The following NBPF20 variants were observed in gnomAD, a reference collection of about 807,000 sequenced individuals.
NBPF20 encodes the protein NBPF member 20, also known as NBPF family member NBPF20.
A neutral mutation model predicts 68.1 loss-of-function variants in NBPF20; 90 were observed. That is an observed-to-expected ratio of 1.32 (90% CI 1.11 to 1.58). The LOEUF (loss-of-function observed/expected upper bound fraction) is 1.58. Among genes scored for constraint, NBPF20 ranks in the 40% most tolerant of loss-of-function variants. The probability of loss-of-function intolerance (pLI) is 0.00; values close to 1 mark genes in which losing one functional copy is unlikely to be tolerated. For synonymous variants in NBPF20, 290 were observed against 228.1 expected, an observed-to-expected ratio of 1.27 and a Z score of -2.45; for missense variants, 816 against 601.2, an observed-to-expected ratio of 1.36 and a Z score of -3.74.
intron 7 of NBPF20, among the ~76,000 whole-genome samples, chr1:145,395,673 C>T (rs1553663646): frequency 4.9e-5 from 7 of 143,866 alleles, no homozygotes; most frequent in Middle Eastern, 3.5e-3. Context: ...TTAAACACAT[C>T]GGAGAGAATA....
At chr1:145,415,218 C>T in the NBPF20 span, among the ~76,000 whole-genome samples, 1 of 151,508 alleles carries the variant, frequency 6.6e-6, no homozygotes, top group Admixed American at 6.6e-5. Flanking sequence ...CATCTCAATG[C>T]CTTAAAGAGC....
At chr1:145,400,795 G>A (rs1209421591) in intron 5 of NBPF20, among the ~76,000 whole-genome samples, 1 of 152,126 alleles carries the variant, frequency 6.6e-6, no homozygotes, top group Admixed American at 6.5e-5. Flanking sequence ...GAGGAAGAGA[G>A]CAGCTGCTGT....
chr1:145,290,043 A>ACTT lies in NBPF20; in HGVS notation c.*1480_*1482dup, dbSNP rs1370844760. ...GTTTTAATTGTATAGATTAAAATTA[A>ACTT]CTTTGGACAAAAATTAAAACTCAGG... is the stretch of plus-strand genomic sequence containing the variant. On this transcript the variant is annotated 3_prime_UTR_variant, in exon 138 of 138. Coordinates refer to ENST00000369373, the Ensembl canonical transcript of NBPF20. 8 of 149,570 alleles carry ACTT rather than the reference A, an allele frequency of 5.3e-5. No homozygotes were observed. In the East Asian group the frequency reaches 1.4e-3, roughly 25 times the overall value. 9.3% of individuals were successfully genotyped at this position (149,570 alleles called of 1,614,324 possible). A position where few individuals can be genotyped will look rare whatever the true frequency, so the allele number is the denominator to read the frequency against.
chr1:145,415,011 G>A, the NBPF20 span, among the ~76,000 whole-genome samples: 355 of 152,260 alleles, frequency 2.3e-3, 3 homozygotes, highest in African/African-American at 8.3e-3. Context: ...GCATACGGAG[G>A]ACCCATGCCG....
exon 138 of NBPF20, chr1:145,291,454 T>C: frequency 6.2e-7 from 1 of 1,611,912 alleles, no homozygotes; most frequent in Non-Finnish European, 8.5e-7. Flanking sequence ...GGAACTGTAC[T>C]TTCATTCAAA....
upstream of NBPF20, among the ~76,000 whole-genome samples, chr1:145,407,511 G>A (rs189000595): frequency 3.5e-5 from 5 of 144,308 alleles, no homozygotes; most frequent in Admixed American, 3.5e-4. Context: ...ATATATATAC[G>A]TGTATATACA....
upstream of NBPF20, among the ~76,000 whole-genome samples, chr1:145,405,982 G>T (rs1243022433): frequency 6.7e-6 from 1 of 149,482 alleles, no homozygotes; most frequent in Admixed American, 6.7e-5. Context: ...GCAGTGACGC[G>T]ATCTAGGCTC....
chr1:145,393,648 T>C, intron 9 of NBPF20: 1 of 1,101,088 alleles, frequency 9.1e-7, no homozygotes, highest in South Asian at 1.6e-5. Context: ...GCAGTTACCA[T>C]GAGAATACAG....
At chr1:145,415,098 T>C in the NBPF20 span, among the ~76,000 whole-genome samples, 1 of 151,814 alleles carries the variant, frequency 6.6e-6, no homozygotes, top group Non-Finnish European at 1.5e-5. Flanking sequence ...GGCAGGACAA[T>C]AGGATAATAG....
chr1:145,403,628 C>G (rs1291368283), intron 2 of NBPF20, among the ~76,000 whole-genome samples: 3 of 152,150 alleles, frequency 2.0e-5, no homozygotes. Context: ...GCCACTTTCC[C>G]AAGCCTTGCA....
At chr1:145,421,040 G>A in the NBPF20 span, among the ~76,000 whole-genome samples, 8 of 140,366 alleles carry the variant, frequency 5.7e-5, no homozygotes, top group African/African-American at 1.6e-4. Context: ...TGAGGCAGGA[G>A]GATTCCTTGA....
At chr1:145,419,254 A>G in the NBPF20 span, among the ~76,000 whole-genome samples, 1 of 152,088 alleles carries the variant, frequency 6.6e-6, no homozygotes, top group Non-Finnish European at 1.5e-5. Flanking sequence ...GAAGGAAGGA[A>G]GGAAATGAAC....
In NBPF20 at chr1:145,397,994, C is replaced by T. The variant is rs1484300043; in HGVS notation, c.827+1055G>A. 4.1e-3 allele frequency among the ~76,000 whole-genome samples: 618 copies of T among 152,222 alleles called. 1 individual carries two copies. The highest frequency in any genetic ancestry group is 6.4e-3 in the Non-Finnish European group (433 of 68,018). On this transcript the variant is annotated intron_variant, in intron 7 of 137. Coordinates refer to ENST00000369373, the Ensembl canonical transcript of NBPF20. ...AGATCAAAAGAGACAAAGAAGGCCA[C>T]TACATAATGGTAAAGGGATCAATTC...
At chr1:145,394,049 G>A in intron 8 of NBPF20, 114 bp from the exon 14 acceptor site, 5 of 746,154 alleles carry the variant, frequency 6.7e-6, no homozygotes, top group Non-Finnish European at 1.2e-5. Context: ...TGTGAGAACA[G>A]GAGACTTTGA....
intron 7 of NBPF20, among the ~76,000 whole-genome samples, chr1:145,396,272 A>T (rs1175356712): frequency 2.0e-5 from 3 of 152,178 alleles, no homozygotes; most frequent in African/African-American, 7.2e-5. Flanking sequence ...AGATCAAATT[A>T]GTGAAATGAA....
exon 8 of NBPF20, chr1:145,395,109 G>A: frequency 2.5e-6 from 4 of 1,601,788 alleles, no homozygotes; most frequent in Non-Finnish European, 3.4e-6. Flanking sequence ...GGACTCCTGG[G>A]GGACTTCCTC....
exon 4 of NBPF20, chr1:145,402,264 A>G: frequency 6.2e-7 from 1 of 1,609,880 alleles, no homozygotes; most frequent in Non-Finnish European, 8.5e-7. Context: ...GCTCATCCGG[A>G]GTAAGGAGGG....
chr1:145,423,969 C>A, the NBPF20 span, among the ~76,000 whole-genome samples: 3 of 149,684 alleles, frequency 2.0e-5, no homozygotes, highest in Admixed American at 1.3e-4. Context: ...AAATTCATTA[C>A]CTGTACTTTT....
At chr1:145,291,413 A>G in exon 138 of NBPF20, 1 of 1,605,592 alleles carries the variant, frequency 6.2e-7, no homozygotes, top group Admixed American at 1.7e-5. Flanking sequence ...AGCCATGCCC[A>G]CTGACCCATC....
Sources: allele counts gnomAD v4.1 joint callset (sites outside exome capture counted in the v4.1 genomes callset), GRCh38; gene constraint gnomAD v4.1.1; transcripts MANE v1.5; gene names NCBI Gene and HGNC (gene_info 2026-07-23, HGNC 2026-07-21).